PLPP1: variants seen among roughly 807,000 people sequenced by gnomAD.
The protein encoded by PLPP1 is phospholipid phosphatase 1.
Under a neutral mutation model 31.2 loss-of-function variants are expected in PLPP1, and 24 were observed. That is an observed-to-expected ratio of 0.77 (90% CI 0.56 to 1.08). The LOEUF (loss-of-function observed/expected upper bound fraction) is 1.08. PLPP1 is among the 50% of genes least tolerant of loss of function. The pLI is 0.00. For synonymous variants in PLPP1, 146 were observed against 126.3 expected, an observed-to-expected ratio of 1.16 and a Z score of -1.05; for missense variants, 319 against 342.7, an observed-to-expected ratio of 0.93 and a Z score of 0.55.
At chr5:55,465,078 C>T (rs1752258879) in intron 3 of PLPP1, among the ~76,000 whole-genome samples, 1 of 148,794 alleles carries the variant, frequency 6.7e-6, no homozygotes, top group South Asian at 2.1e-4. Context: ...GAGTCTCATC[C>T]TGTTACACAG....
chr5:55,505,013 G>A (rs1753242339), intron 1 of PLPP1, among the ~76,000 whole-genome samples: 1 of 151,944 alleles, frequency 6.6e-6, no homozygotes, highest in African/African-American at 2.4e-5. Context: ...ATTTTGCCAT[G>A]TTGCCCAGGC....
intron 1 of PLPP1, among the ~76,000 whole-genome samples, chr5:55,481,240 C>CAAAT (rs1752662226): frequency 6.6e-6 from 1 of 152,126 alleles, no homozygotes; most frequent in African/African-American, 2.4e-5. Context: ...GGGTATCCAG[C>CAAAT]AAATCTGGGA....
intron 1 of PLPP1, among the ~76,000 whole-genome samples, chr5:55,492,922 G>A (rs886070922): frequency 3.3e-5 from 5 of 152,170 alleles, no homozygotes; most frequent in African/African-American, 1.2e-4. Flanking sequence ...GGAGACAAGT[G>A]ATCTGGCTAG....
intron 1 of PLPP1, among the ~76,000 whole-genome samples, chr5:55,498,952 T>C (rs1399526647): frequency 1.5e-5 from 1 of 66,172 alleles, no homozygotes; most frequent in Non-Finnish European, 4.4e-5. Context: ...ATATGGCTAC[T>C]GTAGAAGCAC....
intron 1 of PLPP1, among the ~76,000 whole-genome samples, chr5:55,509,874 C>T (rs988168954): frequency 1.3e-5 from 2 of 152,158 alleles, no homozygotes; most frequent in Non-Finnish European, 2.9e-5. Context: ...TAATTCCTTC[C>T]ACTCCCTCAT....
At chr5:55,482,088 ATATT>A (rs1646628337) in intron 1 of PLPP1, among the ~76,000 whole-genome samples, 1 of 147,674 alleles carries the variant, frequency 6.8e-6, no homozygotes, top group South Asian at 2.1e-4. Flanking sequence ...TTATATATTT[ATATT>A]TAAATATTAT....
chr5:55,457,724 A>T (rs1479423035), intron 3 of PLPP1, among the ~76,000 whole-genome samples: 3 of 152,096 alleles, frequency 2.0e-5, no homozygotes, highest in Non-Finnish European at 4.4e-5. Flanking sequence ...CCCCATCTCT[A>T]CTAAAAATAC....
At chr5:55,450,725 T>A (rs1368467601) in intron 3 of PLPP1, among the ~76,000 whole-genome samples, 2 of 152,162 alleles carry the variant, frequency 1.3e-5, no homozygotes, top group African/African-American at 4.8e-5. Context: ...CCACTTTACC[T>A]AACAGTAAAA....
intron 3 of PLPP1, among the ~76,000 whole-genome samples, chr5:55,448,292 GCA>G: frequency 6.6e-6 from 1 of 152,216 alleles, no homozygotes; most frequent in South Asian, 2.1e-4. Flanking sequence ...CTCTCATATT[GCA>G]CACTTTCTGG....
intron 3 of PLPP1, among the ~76,000 whole-genome samples, chr5:55,450,624 A>G (rs1245367073): frequency 1.3e-5 from 2 of 152,216 alleles, no homozygotes; most frequent in African/African-American, 4.8e-5. Flanking sequence ...AACACATACA[A>G]CTACTAACCA....
chr5:55,496,243 A>G (rs992752581), intron 1 of PLPP1, among the ~76,000 whole-genome samples: 2 of 152,206 alleles, frequency 1.3e-5, no homozygotes, highest in South Asian at 4.1e-4. Context: ...TTCTCCTTAT[A>G]AACACTTTCT....
chr5:55,473,824 T>G (rs76635907), intron 2 of PLPP1, among the ~76,000 whole-genome samples: 1 of 4,060 alleles, frequency 2.5e-4, no homozygotes, highest in African/African-American at 3.9e-4. Flanking sequence ...ATACCTGGCC[T>G]TTTTTTTTGC....
At chr5:55,447,740 AAAGT>A (rs1275235093) in intron 3 of PLPP1, among the ~76,000 whole-genome samples, 1 of 152,236 alleles carries the variant, frequency 6.6e-6, no homozygotes, top group Non-Finnish European at 1.5e-5. Context: ...CAAAATGTGT[AAAGT>A]AAATATACGA....
chr5:55,502,569 T>C (rs1188627958), intron 1 of PLPP1, among the ~76,000 whole-genome samples: 2 of 152,158 alleles, frequency 1.3e-5, no homozygotes, highest in Middle Eastern at 3.2e-3. Flanking sequence ...GCTCTTGATA[T>C]ATGGCTAGTG....
At position 55,534,567 on chromosome 5, in the gene PLPP1, C is replaced by A. The variant is rs191221714; in HGVS notation, c.58+5G>T. 1.1e-3 allele frequency: 1,648 copies of A among 1,540,896 alleles called. 3 individuals carry two copies. The highest frequency in any genetic ancestry group is 1.4e-3 in the Non-Finnish European group (1,572 of 1,145,802). On this transcript the variant is annotated splice_donor_5th_base_variant and intron_variant, in intron 1 of 5. Transcript: ENST00000307259. Reference sequence around the variant, plus strand: ...CGCCCCTCGGACCCGGCGGCGCGTACGTACCCAGCAACACGCAGAGCACAT... The same window carrying A: ...CGCCCCTCGGACCCGGCGGCGCGTAAGTACCCAGCAACACGCAGAGCACAT...
At chr5:55,512,517 A>AG (rs1753448987) in intron 1 of PLPP1, among the ~76,000 whole-genome samples, 2 of 5,254 alleles carry the variant, frequency 3.8e-4, no homozygotes, top group African/African-American at 1.1e-3. Context: ...AAAAGAAAAG[A>AG]AAGAAAGAAA....
At chr5:55,490,475 T>C (rs1352075315) in intron 1 of PLPP1, among the ~76,000 whole-genome samples, 2 of 152,130 alleles carry the variant, frequency 1.3e-5, no homozygotes, top group Non-Finnish European at 2.9e-5. Flanking sequence ...TAATGTATTC[T>C]GATAATTTTA....
Position 55,425,150 on chromosome 5 carries a change from G to C in PLPP1, c.*56C>G. ...AGAAAGATGCATCCTCTTGCCTTGT[G>C]GCAATCATTTTCCTTTAGAAAACAG... On this transcript the variant is annotated 3_prime_UTR_variant, in exon 6 of 6. Coordinates refer to ENST00000307259, the MANE Select transcript of PLPP1 (RefSeq NM_003711.4). 6.4e-7 allele frequency: 1 copy of C among 1,571,598 alleles called. No individual in the cohort carries two copies. Among genetic ancestry groups the C allele is most frequent in the Non-Finnish European group, 8.6e-7 (1 of 1,160,276 alleles).
In PLPP1 at chr5:55,468,119, A is replaced by C; in HGVS notation, c.241T>G (p.Cys81Gly). The C allele has an allele frequency of 6.2e-7, 1 of 1,608,620 alleles. No homozygotes were observed. Among genetic ancestry groups the C allele is most frequent in the Non-Finnish European group, 8.5e-7 (1 of 1,176,946 alleles). The change falls in exon 3 of 6, where the codon TGT becomes GGT. Residue 81 changes from cysteine to glycine, a missense_variant. Cys to Gly is a radical substitution (Grantham distance 159). Transcript: ENST00000307259. ...AAGGAATTTGAGTGCAAAAGGTTACAGTAAACAGACAGGGTTTCTCCAAGA... is the reference window on the plus strand; with the variant it reads ...AAGGAATTTGAGTGCAAAAGGTTACCGTAAACAGACAGGGTTTCTCCAAGA... ...IILGETLSVY[C>G]NLLHSNSFIR...
Sources: gnomAD v4.1 joint callset for allele counts (sites outside exome capture counted in the v4.1 genomes callset) on GRCh38, gnomAD v4.1.1 for gene constraint, MANE v1.5 for transcripts, NCBI Gene and HGNC (gene_info 2026-07-23, HGNC 2026-07-21) for gene names.